RALGAPA1: variants seen among roughly 807,000 people sequenced by gnomAD.
The protein encoded by RALGAPA1 is ral GTPase-activating protein subunit alpha-1.
RALGAPA1 carries 52 observed loss-of-function variants against 269.6 expected under a neutral mutation model. The ratio of observed to expected loss-of-function variants is 0.19; its 90% confidence interval spans 0.15 to 0.24. RALGAPA1 has a LOEUF of 0.24. RALGAPA1 is among the 10% of genes least tolerant of loss of function. The pLI, the probability that RALGAPA1 is intolerant of heterozygous loss-of-function variation, is 1.00. For missense variants in RALGAPA1, 1,917 were observed against 3,013.9 expected (o/e 0.64, Z 8.52); for synonymous variants, 817 against 1,008.3 (o/e 0.81, Z 3.60).
chr14:35,614,326 C>T (rs762983477), intron 35 of RALGAPA1, among the ~76,000 whole-genome samples: 3 of 151,998 alleles, frequency 2.0e-5, no homozygotes, highest in Non-Finnish European at 2.9e-5. Context: ...AAATGTCCAT[C>T]GACTGATGAA....
At chr14:35,612,244 G>A (rs1044514916) in intron 35 of RALGAPA1, among the ~76,000 whole-genome samples, 1 of 151,722 alleles carries the variant, frequency 6.6e-6, no homozygotes, top group Non-Finnish European at 1.5e-5. Flanking sequence ...GGTGGCATGC[G>A]TCTGCAGTCC....
At chr14:35,792,302 G>A (rs1042342083) in intron 1 of RALGAPA1, among the ~76,000 whole-genome samples, 1 of 151,946 alleles carries the variant, frequency 6.6e-6, no homozygotes, top group South Asian at 2.1e-4. Flanking sequence ...GATTACAGGC[G>A]CCTGCCACCA....
rs1436039181 is a variant in RALGAPA1, at chr14:35,664,648, A to T, written c.5322T>A (p.Asp1774Glu). ...IPDVAVSQFTDVKELIIKTVL... is the reference protein window; with the variant it reads ...IPDVAVSQFTEVKELIIKTVL... ...TTAGCATCTCATTTCTTACCTTAAC[A>T]TCTGTAAACTGAGACACAGCAACAT... Residue 1774 changes from aspartate (D) to glutamate (E), a missense_variant, in exon 27 of 42, where the codon GAT (aspartate) becomes GAA (glutamate). This residue lies in a region of RALGAPA1 where 346 missense variants were observed against 566.1 expected (regional missense o/e 0.61). Coordinates refer to ENST00000680220, the MANE Select transcript of RALGAPA1 (RefSeq NM_001346249.2). 3 of 1,606,284 alleles carry T rather than the reference A, an allele frequency of 1.9e-6. No individual in the cohort carries two copies. Among genetic ancestry groups the T allele is most frequent in the Non-Finnish European group, 2.5e-6 (3 of 1,177,300 alleles).
intron 12 of RALGAPA1, among the ~76,000 whole-genome samples, chr14:35,736,478 C>G (rs1595371439): frequency 6.6e-6 from 1 of 152,072 alleles, no homozygotes; most frequent in African/African-American, 2.4e-5. Context: ...AGAACTGATT[C>G]CTGGGCACTT....
chr14:35,594,722 A>G (rs1260647480), intron 37 of RALGAPA1, among the ~76,000 whole-genome samples: 1 of 94,216 alleles, frequency 1.1e-5, no homozygotes, highest in Admixed American at 1.0e-4. Flanking sequence ...AGCAATTATG[A>G]AAAAAAAAAA....
chr14:35,713,281 C>T (rs1228619758), intron 16 of RALGAPA1, among the ~76,000 whole-genome samples: 1 of 152,228 alleles, frequency 6.6e-6, no homozygotes, highest in East Asian at 1.9e-4. Context: ...GCTCAAGATA[C>T]AATCATCAGG....
chr14:35,714,093 TAAAA>T (rs1269103441), intron 16 of RALGAPA1, among the ~76,000 whole-genome samples: 1 of 130,150 alleles, frequency 7.7e-6, no homozygotes, highest in African/African-American at 2.8e-5. Flanking sequence ...AGACTCCGTC[TAAAA>T]AAAAAAAAAA....
chr14:35,795,792 T>G (rs1053487312), intron 1 of RALGAPA1, among the ~76,000 whole-genome samples: 2 of 138,074 alleles, frequency 1.4e-5, no homozygotes, highest in Non-Finnish European at 1.6e-5. Flanking sequence ...CTGGGCAACA[T>G]AGCAAAACCC....
At chr14:35,570,596 A>G in intron 39 of RALGAPA1, 21 bp downstream of exon 39, 1 of 1,588,762 alleles carries the variant, frequency 6.3e-7, no homozygotes, top group Non-Finnish European at 8.5e-7. Flanking sequence ...AGTAGAAACC[A>G]TTACATTAAA....
intron 17 of RALGAPA1, among the ~76,000 whole-genome samples, chr14:35,699,726 A>C (rs1260258234): frequency 6.6e-6 from 1 of 152,132 alleles, no homozygotes; most frequent in Non-Finnish European, 1.5e-5. Flanking sequence ...TACTATAGAT[A>C]ATGCAGAATA....
chr14:35,548,122 G>C (rs1466624532), intron 41 of RALGAPA1, among the ~76,000 whole-genome samples: 1 of 152,054 alleles, frequency 6.6e-6, no homozygotes, highest in African/African-American at 2.4e-5. Flanking sequence ...AAGGCACACA[G>C]AGAGTTATCA....
chr14:35,625,990 C>G (rs2060968521), intron 34 of RALGAPA1, among the ~76,000 whole-genome samples: 1 of 152,042 alleles, frequency 6.6e-6, no homozygotes, highest in African/African-American at 2.4e-5. Flanking sequence ...TAATTTTTCC[C>G]AAGGGACAAC....
intron 36 of RALGAPA1, among the ~76,000 whole-genome samples, chr14:35,602,035 C>T (rs998767293): frequency 7.9e-5 from 12 of 152,154 alleles, no homozygotes; most frequent in Non-Finnish European, 1.5e-4. Context: ...TATAAATACA[C>T]CTATTGTGGA....
At position 35,579,478 on chromosome 14, in the gene RALGAPA1, C is replaced by T. The variant is rs117934959; in HGVS notation, c.7210-6760G>A. On this transcript the variant is annotated intron_variant, in intron 37 of 41. Coordinates refer to ENST00000680220, the MANE Select transcript of RALGAPA1 (RefSeq NM_001346249.2). ...ACCTTGTCTCTACTAAAAGGTGGTG[C>T]ACGCCTGTAGTCCCAGCTACTCGGG... Among the ~76,000 whole-genome samples the T allele has an allele frequency of 2.6e-3, 402 of 151,908 alleles. 14 individuals are homozygous for T. In the East Asian group the frequency reaches 0.066, roughly 25 times the overall value.
intron 25 of RALGAPA1, among the ~76,000 whole-genome samples, chr14:35,671,855 C>T (rs2064470915): frequency 6.6e-6 from 1 of 152,182 alleles, no homozygotes; most frequent in Admixed American, 6.5e-5. Flanking sequence ...TCTCCTGTCA[C>T]CTAGTTGCTT....
intron 31 of RALGAPA1, among the ~76,000 whole-genome samples, chr14:35,642,378 C>T (rs2062088119): frequency 6.6e-6 from 1 of 152,000 alleles, no homozygotes; most frequent in Non-Finnish European, 1.5e-5. Flanking sequence ...ATACAAGGAA[C>T]TCAAACAACA....
chr14:35,632,803 C>T (rs1366562515), intron 33 of RALGAPA1, among the ~76,000 whole-genome samples: 1 of 152,102 alleles, frequency 6.6e-6, no homozygotes, highest in African/African-American at 2.4e-5. Context: ...GTTTAGAATT[C>T]TTTGGCCAAA....
chr14:35,578,486 C>T (rs1389850127), intron 37 of RALGAPA1, among the ~76,000 whole-genome samples: 3 of 152,130 alleles, frequency 2.0e-5, no homozygotes. Flanking sequence ...AGAAAACATG[C>T]TTTAATATAC....
intron 37 of RALGAPA1, among the ~76,000 whole-genome samples, chr14:35,590,053 T>A (rs1008448586): frequency 6.6e-6 from 1 of 152,220 alleles, no homozygotes; most frequent in Non-Finnish European, 1.5e-5. Flanking sequence ...TTTATTTTCA[T>A]AGAGATTTAA....
Sources: gnomAD v4.1 joint callset for allele counts (sites outside exome capture counted in the v4.1 genomes callset) on GRCh38, gnomAD v4.1.1 for gene constraint, gnomAD v4.1.1 regional missense constraint, MANE v1.5 for transcripts, NCBI Gene and HGNC (gene_info 2026-07-23, HGNC 2026-07-21) for gene names.